The following TMEM265 variants were observed in gnomAD, a reference collection of about 807,000 sequenced individuals.
TMEM265 encodes the protein transmembrane protein 265.
Under a neutral mutation model 9.5 loss-of-function variants are expected in TMEM265, and 8 were observed. The observed-to-expected ratio is 0.84, with a 90% CI of 0.49 to 1.52. The LOEUF is 1.52. Among genes scored for constraint, TMEM265 ranks in the 40% most tolerant of loss-of-function variants. The pLI, the probability that TMEM265 is intolerant of heterozygous loss-of-function variation, is 0.00. For missense variants in TMEM265, 152 were observed against 146.2 expected, an observed-to-expected ratio of 1.04 and a Z score of -0.21; for synonymous variants, 53 against 56.9, an observed-to-expected ratio of 0.93 and a Z score of 0.31.
chr16:30,741,989 T>G lies in TMEM265; in HGVS notation c.165+81T>G, dbSNP rs1476081299. 2.1e-5 allele frequency: 29 copies of G among 1,386,590 alleles called. No individual in the cohort carries two copies. The East Asian group carries it at 7.3e-4, about 35-fold the overall frequency. 85.9% of individuals were successfully genotyped at this position (1,386,590 alleles called of 1,614,324 possible). On this transcript the variant is annotated intron_variant, in intron 2 of 2. Transcript: ENST00000615541. ...TATCTGATCTATCTACATTGACCAG[T>G]CACTGAATACCTATCAGTGCTCTGG...
chr16:30,742,167 A>G (rs1172549712), intron 2 of TMEM265, among the ~76,000 whole-genome samples: 8 of 152,172 alleles, frequency 5.3e-5, no homozygotes. Flanking sequence ...GGAGCCAGGG[A>G]AGATCTATGT....
In TMEM265 at chr16:30,743,762, C is replaced by G. The variant is rs1300336565; in HGVS notation, c.166-20C>G. 1 of 1,509,866 alleles carries G rather than the reference C, an allele frequency of 6.6e-7. No homozygotes were observed. The highest frequency in any genetic ancestry group is 8.8e-7 in the Non-Finnish European group (1 of 1,131,846). The allele number at this position is 1,509,866 out of a possible 1,614,324, so 93.5% of individuals were successfully genotyped here. ...GGGCAGAAGCAGGGGGAGAACCTAA[C>G]CAAGAACCTGCCCCCACAGGCGGAA... On this transcript the variant is annotated intron_variant, in intron 2 of 2. Transcript: ENST00000615541.
rs1208185437 is a variant in TMEM265, at chr16:30,744,963, A to G, written c.*1020A>G. On this transcript the variant is annotated 3_prime_UTR_variant, in exon 3 of 3. Transcript: ENST00000615541. The stretch of plus-strand genomic sequence containing the variant: ...AATACCCAAAACAAGTATACAGTTC[A>G]TTAACACAAAGCAAACGTGAATAAC... The G allele has an allele frequency of 1.3e-5, 2 of 152,252 alleles. No individual in the cohort carries two copies. The highest frequency in any genetic ancestry group is 2.9e-5 in the Non-Finnish European group (2 of 68,040). 9.4% of individuals were successfully genotyped at this position (152,252 alleles called of 1,614,324 possible). A position where few individuals can be genotyped will look rare whatever the true frequency, so the allele number is the denominator to read the frequency against.
In TMEM265 at chr16:30,745,108, CATTT is replaced by C. The variant is rs1173159305; in HGVS notation, c.*1167_*1170del. 3.9e-5 allele frequency: 6 copies of C among 152,310 alleles called. No individual in the cohort carries two copies. Among genetic ancestry groups the C allele is most frequent in the Non-Finnish European group, 8.8e-5 (6 of 68,030 alleles). The allele number at this position is 152,310 out of a possible 1,614,324, so 9.4% of individuals were successfully genotyped here. ...CCACCATTCTGACTTCTAGCAGTGT[CATTT>C]AATTTTGTCTGCATTTGAACTTTAT... is the stretch of plus-strand genomic sequence containing the variant. On this transcript the variant is annotated 3_prime_UTR_variant, in exon 3 of 3. Coordinates refer to ENST00000615541, the MANE Select transcript of TMEM265 (RefSeq NM_001256829.2).
Position 30,745,122 on chromosome 16 carries a change from T to G in TMEM265, c.*1179T>G, listed in dbSNP as rs1175392022. ...TCTAGCAGTGTCATTTAATTTTGTC[T>G]GCATTTGAACTTTATATAAATGGAA... On this transcript the variant is annotated 3_prime_UTR_variant, in exon 3 of 3. Transcript: ENST00000615541. 1 of 152,226 alleles carries G rather than the reference T, an allele frequency of 6.6e-6. No homozygotes were observed. Among genetic ancestry groups the G allele is most frequent in the African/African-American group, 2.4e-5 (1 of 41,454 alleles). The allele number at this position is 152,226 out of a possible 1,614,324, so 9.4% of individuals were successfully genotyped here.
Position 30,743,811 on chromosome 16 carries a change from C to T in TMEM265, c.195C>T (p.Ser65=), listed in dbSNP as rs1458227412. The change falls in exon 3 of 3, where the codon TCC becomes TCT. Residue 65 remains serine (S), a synonymous_variant. Transcript: ENST00000615541. ...AAGAGCGGCATAAAGCAGGCCGGTC[C>T]GAGGAGGCAGTGCGCTGGGGGGCCC... ...KAEERHKAGR[S]EEAVRWGARA... is the part of the protein sequence containing the mutation. The T allele has an allele frequency of 4.6e-6, 7 of 1,532,978 alleles. No individual in the cohort carries two copies. The highest frequency in any genetic ancestry group is 4.9e-5 in the East Asian group (2 of 40,892). The allele number at this position is 1,532,978 out of a possible 1,614,324, so 95.0% of individuals were successfully genotyped here.
At chr16:30,742,531 G>C (rs1289506685) in intron 2 of TMEM265, among the ~76,000 whole-genome samples, 1 of 152,198 alleles carries the variant, frequency 6.6e-6, no homozygotes, top group Non-Finnish European at 1.5e-5. Flanking sequence ...ATTGGAGGGG[G>C]CAAGGCTGGA....
intron 1 of TMEM265, chr16:30,741,033 C>A (rs1044312538): frequency 3.3e-5 from 5 of 152,170 alleles, no homozygotes; most frequent in African/African-American, 1.2e-4. Context: ...AGTAGGGCAT[C>A]ATTTTGCAGG....
chr16:30,743,153 G>A (rs961588953), intron 2 of TMEM265, among the ~76,000 whole-genome samples: 5 of 152,198 alleles, frequency 3.3e-5, no homozygotes, highest in African/African-American at 1.2e-4. Context: ...TTGGGAGGCC[G>A]AGGTGGGCAG....
At chr16:30,741,720 T>G in intron 1 of TMEM265, 21 bp from the exon 2 acceptor site, 1 of 1,528,854 alleles carries the variant, frequency 6.5e-7, no homozygotes, top group Non-Finnish European at 8.7e-7. Flanking sequence ...GGCTCACAAG[T>G]ACCTTGACTA....
intron 2 of TMEM265, 137 bp from the exon 3 acceptor site, chr16:30,743,645 A>G (rs543385068): frequency 1.8e-6 from 2 of 1,123,050 alleles, no homozygotes; most frequent in South Asian, 3.3e-5. Context: ...AGAGGTTAGA[A>G]TCAGAAACTG....
chr16:30,741,678 C>G lies in TMEM265; in HGVS notation c.-3-63C>G, dbSNP rs528024781. On this transcript the variant is annotated intron_variant, in intron 1 of 2. Transcript: ENST00000615541. Reference sequence around the variant, plus strand: ...CAGAATGCTCTGAGAGGGGTGGAGTCTGAGCAAGCAAGGCCAAGGGCTCTG... The same window carrying G: ...CAGAATGCTCTGAGAGGGGTGGAGTGTGAGCAAGCAAGGCCAAGGGCTCTG... 11 of 1,470,278 alleles carry G rather than the reference C, an allele frequency of 7.5e-6. No homozygotes were observed. In the Admixed American group the frequency reaches 2.4e-4, roughly 31 times the overall value. The allele number at this position is 1,470,278 out of a possible 1,614,324, so 91.1% of individuals were successfully genotyped here.
chr16:30,742,245 T>A (rs2151302787), intron 2 of TMEM265, among the ~76,000 whole-genome samples: 1 of 152,022 alleles, frequency 6.6e-6, no homozygotes, highest in South Asian at 2.1e-4. Flanking sequence ...GGTGACAGGA[T>A]TAATCTTAAA....
rs1205463575 is a variant in TMEM265, at chr16:30,741,799, C to A, written c.56C>A (p.Pro19His). Residue 19 changes from proline (P) to histidine (H), a missense_variant, in exon 2 of 3, where the codon CCT becomes CAT. By Grantham distance (77) the Pro-to-His change is moderately conservative. Coordinates refer to ENST00000615541, the MANE Select transcript of TMEM265 (RefSeq NM_001256829.2). ...TTGGGCAACACGGAAGCTGCTCATC[C>A]TCCATCCCCCATCCGCTGCTGCTGG... is the stretch of plus-strand genomic sequence containing the variant. ...EILGNTEAAH[P>H]PSPIRCCWLR... is the part of the protein sequence containing the mutation. 3 of 1,532,586 alleles carry A rather than the reference C, an allele frequency of 2.0e-6. No individual in the cohort carries two copies. The highest frequency in any genetic ancestry group is 2.4e-5 in the East Asian group (1 of 40,856). 94.9% of individuals were successfully genotyped at this position (1,532,586 alleles called of 1,614,324 possible). A position where few individuals can be genotyped will look rare whatever the true frequency, so the allele number is the denominator to read the frequency against.
rs1289690863 is a variant in TMEM265, at chr16:30,744,771, A to C, written c.*828A>C. 1 of 152,248 alleles carries C rather than the reference A, an allele frequency of 6.6e-6. No individual in the cohort carries two copies. The highest frequency in any genetic ancestry group is 2.4e-5 in the African/African-American group (1 of 41,462). 9.4% of individuals were successfully genotyped at this position (152,248 alleles called of 1,614,324 possible). A position where few individuals can be genotyped will look rare whatever the true frequency, so the allele number is the denominator to read the frequency against. On this transcript the variant is annotated 3_prime_UTR_variant, in exon 3 of 3. Transcript: ENST00000615541. Reference sequence around the variant, plus strand: ...GGTAGAGCTGAGACTGAACCCAGACAGTTTGGTTCCAGAGCTGAGAGAGGA... The same window carrying C: ...GGTAGAGCTGAGACTGAACCCAGACCGTTTGGTTCCAGAGCTGAGAGAGGA...
In TMEM265 at chr16:30,743,943, AC is replaced by A. The variant is rs1238610214; in HGVS notation, c.*3del. ...CCTACGCCATCGCTCAGGCTGAGTG[AC>A]CCTGGATGGCCTCTGCTGAGAGCCA... On this transcript the variant is annotated 3_prime_UTR_variant, in exon 3 of 3. Coordinates refer to ENST00000615541, the MANE Select transcript of TMEM265 (RefSeq NM_001256829.2). 2 of 1,532,686 alleles carry A rather than the reference AC, an allele frequency of 1.3e-6. No homozygotes were observed. Among genetic ancestry groups the A allele is most frequent in the Non-Finnish European group, 1.7e-6 (2 of 1,146,108 alleles). The allele number at this position is 1,532,686 out of a possible 1,614,324, so 94.9% of individuals were successfully genotyped here.
chr16:30,743,994 T>C lies in TMEM265; in HGVS notation c.*51T>C. 6.7e-7 allele frequency: 1 copy of C among 1,503,398 alleles called. No homozygotes were observed. The highest frequency in any genetic ancestry group is 8.9e-7 in the Non-Finnish European group (1 of 1,128,634). 93.1% of individuals were successfully genotyped at this position (1,503,398 alleles called of 1,614,324 possible). The stretch of plus-strand genomic sequence containing the variant: ...AGCCGAGACCTCCTGGATCCTGCAA[T>C]GCGGCATTGCTAAGGTCCTGTGACA... On this transcript the variant is annotated 3_prime_UTR_variant, in exon 3 of 3. Coordinates refer to ENST00000615541, the MANE Select transcript of TMEM265 (RefSeq NM_001256829.2).
chr16:30,744,029 G>T lies in TMEM265; in HGVS notation c.*86G>T. On this transcript the variant is annotated 3_prime_UTR_variant, in exon 3 of 3. Transcript: ENST00000615541. ...CTAAGGTCCTGTGACAGCAGTGGTT[G>T]GAAGGATCCTGGTTGGAAGGATGGG... is the stretch of plus-strand genomic sequence containing the variant. 1 of 1,424,864 alleles carries T rather than the reference G, an allele frequency of 7.0e-7. No homozygotes were observed. The highest frequency in any genetic ancestry group is 9.3e-7 in the Non-Finnish European group (1 of 1,073,224). The allele number at this position is 1,424,864 out of a possible 1,614,324, so 88.3% of individuals were successfully genotyped here. A position where few individuals can be genotyped will look rare whatever the true frequency, so the allele number is the denominator to read the frequency against.
intron 2 of TMEM265, among the ~76,000 whole-genome samples, chr16:30,743,357 G>A (rs1035992901): frequency 4.6e-5 from 7 of 152,004 alleles, no homozygotes; most frequent in Non-Finnish European, 1.0e-4. Flanking sequence ...CTCCAGCCTG[G>A]GTGACAGGAG....
Sources: allele counts gnomAD v4.1 joint callset (sites outside exome capture counted in the v4.1 genomes callset), GRCh38; gene constraint gnomAD v4.1.1; transcripts MANE v1.5; gene names NCBI Gene and HGNC (gene_info 2026-07-23, HGNC 2026-07-21).